CHN2: variants seen among roughly 807,000 people sequenced by gnomAD.
CHN2 encodes the protein chimerin 2.
In CHN2, 35 loss-of-function variants were observed where a neutral mutation model predicts 56.3. That is an observed-to-expected ratio of 0.62 (90% CI 0.47 to 0.82). The LOEUF (loss-of-function observed/expected upper bound fraction) is 0.82. Among genes scored for constraint, CHN2 ranks in the 40% least tolerant of loss-of-function variants. The pLI is 0.00. For missense variants in CHN2, 491 were observed against 580.5 expected, an observed-to-expected ratio of 0.85 and a Z score of 1.58; for synonymous variants, 210 against 212.8, an observed-to-expected ratio of 0.99 and a Z score of 0.12.
chr7:29,503,610 C>G (rs1790216013), intron 9 of CHN2, among the ~76,000 whole-genome samples: 2 of 152,170 alleles, frequency 1.3e-5, no homozygotes, highest in South Asian at 4.1e-4. Flanking sequence ...CTAAGAGTAT[C>G]TGTCATGGTC....
chr7:29,495,376 C>T (rs1196034907), intron 7 of CHN2, among the ~76,000 whole-genome samples: 3 of 152,182 alleles, frequency 2.0e-5, no homozygotes, highest in African/African-American at 7.2e-5. Flanking sequence ...CCAAGTCCTA[C>T]TGAATATGGA....
At chr7:29,509,855 A>AAAAAAG (rs1562678333) in intron 12 of CHN2, among the ~76,000 whole-genome samples, 2 of 151,792 alleles carry the variant, frequency 1.3e-5, no homozygotes, top group African/African-American at 4.8e-5. Flanking sequence ...AAAAAAAAAA[A>AAAAAAG]AAAAAGAAAA....
chr7:29,397,135 T>C (rs1197761197), intron 4 of CHN2: 2 of 152,214 alleles, frequency 1.3e-5, no homozygotes, highest in Non-Finnish European at 2.9e-5. Flanking sequence ...CGTACACCTT[T>C]AAGAAGCGAT....
chr7:29,462,934 G>T (rs1785276021), intron 6 of CHN2, among the ~76,000 whole-genome samples: 1 of 110,110 alleles, frequency 9.1e-6, no homozygotes, highest in African/African-American at 3.8e-5. Flanking sequence ...CCCCACATTA[G>T]TTGAAGTAAG....
At chr7:29,327,938 A>G (rs1225043220) in intron 1 of CHN2, among the ~76,000 whole-genome samples, 1 of 152,228 alleles carries the variant, frequency 6.6e-6, no homozygotes, top group Non-Finnish European at 1.5e-5. Context: ...AAAAAAGTTT[A>G]AAAAATCAGC....
chr7:29,397,131 C>A (rs1801822068), intron 4 of CHN2: 1 of 152,180 alleles, frequency 6.6e-6, no homozygotes, highest in Non-Finnish European at 1.5e-5. Context: ...CTGCCGTACA[C>A]CTTTAAGAAG....
intron 1 of CHN2, chr7:29,208,972 C>T (rs1784726568): frequency 6.6e-6 from 1 of 152,176 alleles, no homozygotes; most frequent in Non-Finnish European, 1.5e-5. Flanking sequence ...GAAATCTCTT[C>T]CTCCTCACCC....
chr7:29,353,582 A>T (rs950686040), intron 1 of CHN2, among the ~76,000 whole-genome samples: 6 of 152,158 alleles, frequency 3.9e-5, no homozygotes, highest in Non-Finnish European at 7.4e-5. Context: ...TGAACCCAGG[A>T]TGCGAAGGTT....
intron 1 of CHN2, among the ~76,000 whole-genome samples, chr7:29,340,409 C>T (rs529870621): frequency 4.6e-5 from 7 of 151,524 alleles, no homozygotes; most frequent in Non-Finnish European, 1.0e-4. Context: ...TGGGGGGGGG[C>T]CTCAATATTT....
rs79078747 is a variant in CHN2 at position 29,196,051 on chromosome 7, G to T, written c.49+1061G>T. On this transcript the variant is annotated intron_variant, in intron 1 of 12. Coordinates refer to ENST00000222792, the MANE Select transcript of CHN2 (RefSeq NM_004067.4). ...GGAAGTGCTTCAATATATTAATATT[G>T]TATTAAGTCCCATTGGGCTGTTTTT... Among the ~76,000 whole-genome samples, 144 of 152,320 alleles carry T rather than the reference G, an allele frequency of 9.5e-4. No homozygotes were observed. In the East Asian group the frequency reaches 0.015, roughly 16 times the overall value.
chr7:29,220,372 G>T (rs1785696673), intron 1 of CHN2, among the ~76,000 whole-genome samples: 1 of 151,052 alleles, frequency 6.6e-6, no homozygotes, highest in South Asian at 2.1e-4. Context: ...AAAAACAACT[G>T]GGGCTTTTTT....
intron 1 of CHN2, among the ~76,000 whole-genome samples, chr7:29,246,723 G>C (rs1047295577): frequency 6.6e-6 from 1 of 152,214 alleles, no homozygotes; most frequent in African/African-American, 2.4e-5. Flanking sequence ...AGGCCAGGAA[G>C]GCCAGGATCA....
intron 1 of CHN2, among the ~76,000 whole-genome samples, chr7:29,196,020 C>T (rs1783684080): frequency 6.6e-6 from 1 of 152,140 alleles, no homozygotes; most frequent in Non-Finnish European, 1.5e-5. Context: ...GTCATGAAGT[C>T]CTAATGGAAG....
chr7:29,458,728 A>G lies in CHN2; in HGVS notation c.577-21551A>G, dbSNP rs546466406. On this transcript the variant is annotated intron_variant, in intron 6 of 12. Coordinates refer to ENST00000222792, the MANE Select transcript of CHN2 (RefSeq NM_004067.4). ...AAGCATATGACTGTTCGATCAAACTAAAGTATTATCCAAACGTCCTCTATC... is the reference window on the plus strand; with the variant it reads ...AAGCATATGACTGTTCGATCAAACTGAAGTATTATCCAAACGTCCTCTATC... Among the ~76,000 whole-genome samples, 23 of 152,346 alleles carry G rather than the reference A, an allele frequency of 1.5e-4. No individual in the cohort carries two copies. In the South Asian group the frequency reaches 4.6e-3, roughly 30 times the overall value.
At chr7:29,436,848 C>A (rs892343061) in intron 6 of CHN2, among the ~76,000 whole-genome samples, 3 of 152,074 alleles carry the variant, frequency 2.0e-5, no homozygotes, top group Non-Finnish European at 2.9e-5. Context: ...TACACATTCA[C>A]AGAATTCCCC....
At chr7:29,267,069 C>T (rs1445685263) in intron 1 of CHN2, among the ~76,000 whole-genome samples, 1 of 152,092 alleles carries the variant, frequency 6.6e-6, no homozygotes, top group African/African-American at 2.4e-5. Context: ...CCCCACCCAC[C>T]CCTCTGCTGT....
At chr7:29,295,456 C>T (rs1793066375) in intron 1 of CHN2, among the ~76,000 whole-genome samples, 1 of 151,120 alleles carries the variant, frequency 6.6e-6, no homozygotes, top group Admixed American at 6.6e-5. Flanking sequence ...GAAATGGAAA[C>T]AACCCCTTTA....
chr7:29,322,925 G>A (rs1293746786), intron 1 of CHN2, among the ~76,000 whole-genome samples: 2 of 152,134 alleles, frequency 1.3e-5, no homozygotes, highest in Non-Finnish European at 2.9e-5. Context: ...CACTTCGGGA[G>A]GCCAAGGATC....
chr7:29,432,969 A>G (rs1782957163), intron 6 of CHN2, among the ~76,000 whole-genome samples: 1 of 152,196 alleles, frequency 6.6e-6, no homozygotes, highest in South Asian at 2.1e-4. Context: ...TGTAACTCCT[A>G]GTGTATAAAA....
Sources: gnomAD v4.1 joint callset for allele counts (sites outside exome capture counted in the v4.1 genomes callset) on GRCh38, gnomAD v4.1.1 for gene constraint, MANE v1.5 for transcripts, NCBI Gene and HGNC (gene_info 2026-07-23, HGNC 2026-07-21) for gene names.